The following SLC9B1 variants were observed in gnomAD, a reference collection of about 807,000 sequenced individuals.
SLC9B1 encodes the protein sodium/hydrogen exchanger 9B1.
SLC9B1 carries 32 observed loss-of-function variants against 51.7 expected under a neutral mutation model. That is an observed-to-expected ratio of 0.62 (90% confidence interval 0.47 to 0.83). The LOEUF (loss-of-function observed/expected upper bound fraction) is 0.83. Among genes scored for constraint, SLC9B1 ranks in the 40% least tolerant of loss-of-function variants. The pLI, the probability that SLC9B1 is intolerant of heterozygous loss-of-function variation, is 0.00. For missense variants in SLC9B1, 406 were observed against 613.2 expected, an observed-to-expected ratio of 0.66 and a Z score of 3.57; for synonymous variants, 145 against 212.7, an observed-to-expected ratio of 0.68 and a Z score of 2.77.
chr4:102,938,594 T>A (rs1300644468), intron 6 of SLC9B1, among the ~76,000 whole-genome samples: 2 of 152,208 alleles, frequency 1.3e-5, no homozygotes, highest in Non-Finnish European at 2.9e-5. Context: ...GTACATGGCA[T>A]ATATTGTAAA....
intron 3 of SLC9B1, 28 bp from the exon 4 acceptor site, chr4:102,949,455 A>G (rs774808094): frequency 1.8e-5 from 27 of 1,523,712 alleles, no homozygotes; most frequent in Non-Finnish European, 2.3e-5. Flanking sequence ...GTACAGCTAT[A>G]TATCTACATA....
At chr4:102,894,400 A>G (rs1734435497) in intron 11 of SLC9B1, among the ~76,000 whole-genome samples, 1 of 152,184 alleles carries the variant, frequency 6.6e-6, no homozygotes, top group Admixed American at 6.5e-5. Context: ...ATATATAGAA[A>G]ACTTTTTGTG....
intron 11 of SLC9B1, chr4:102,890,808 C>CTTACTT (rs1560910006): frequency 6.8e-5 from 8 of 117,840 alleles, no homozygotes; most frequent in African/African-American, 3.1e-4. Context: ...CCACTGCACT[C>CTTACTT]CAGCCTGGGC....
chr4:102,893,814 G>A lies in SLC9B1; in HGVS notation c.1333-8486C>T, dbSNP rs532597475. Among the ~76,000 whole-genome samples the A allele has an allele frequency of 1.3e-4, 20 of 152,022 alleles. No individual in the cohort carries two copies. The South Asian group carries it at 4.2e-3, about 32-fold the overall frequency. On this transcript the variant is annotated intron_variant, in intron 11 of 11. Coordinates refer to the SLC9B1 transcript ENST00000394789. ...TGGTGCATGCCTGTAATCCCAGCTT[G>A]AACCCAGGAGGCAGAGGTTGCAGTG...
chr4:102,989,701 G>A (rs1349956602), intron 3 of SLC9B1, 99 bp downstream of exon 3: 1 of 719,940 alleles, frequency 1.4e-6, no homozygotes, highest in Non-Finnish European at 2.2e-6. Context: ...ATCTGATCTG[G>A]AGTATATTGA....
At chr4:102,936,039 C>T (rs955822963) in intron 6 of SLC9B1, among the ~76,000 whole-genome samples, 2 of 152,162 alleles carry the variant, frequency 1.3e-5, no homozygotes, top group Non-Finnish European at 2.9e-5. Flanking sequence ...AGTGTTGTTG[C>T]CAGTGGACTG....
At chr4:103,007,263 C>T (rs554301574) in intron 1 of SLC9B1, among the ~76,000 whole-genome samples, 8 of 152,286 alleles carry the variant, frequency 5.3e-5, no homozygotes, top group Non-Finnish European at 1.2e-4. Context: ...ATATAAAAAA[C>T]TACAGAAAAT....
chr4:102,958,227 G>T (rs1737905695), intron 3 of SLC9B1, among the ~76,000 whole-genome samples: 1 of 152,142 alleles, frequency 6.6e-6, no homozygotes, highest in Non-Finnish European at 1.5e-5. Context: ...CTGTCCTTGG[G>T]ACAGTGAGTA....
chr4:102,996,063 G>C (rs1381141258), intron 1 of SLC9B1, among the ~76,000 whole-genome samples: 1 of 152,160 alleles, frequency 6.6e-6, no homozygotes, highest in South Asian at 2.1e-4. Flanking sequence ...ATATTACTCA[G>C]ATCTTTGTCA....
chr4:102,885,119 AAAAGTAAC>A, exon 12 of SLC9B1: 1 of 1,013,798 alleles, frequency 9.9e-7, no homozygotes, highest in Middle Eastern at 2.0e-4. Flanking sequence ...AATTAATGTA[AAAAGTAAC>A]AAAGAATAAG....
intron 3 of SLC9B1, among the ~76,000 whole-genome samples, chr4:102,959,304 T>A (rs1737967145): frequency 6.6e-6 from 1 of 152,060 alleles, no homozygotes; most frequent in South Asian, 2.1e-4. Context: ...TAAGTGTAAT[T>A]ACTATATATA....
At chr4:103,005,011 A>C (rs1381801246) in intron 1 of SLC9B1, among the ~76,000 whole-genome samples, 1 of 152,180 alleles carries the variant, frequency 6.6e-6, no homozygotes, top group African/African-American at 2.4e-5. Flanking sequence ...TTGACACTAT[A>C]AAGTAGAAAC....
intron 3 of SLC9B1, among the ~76,000 whole-genome samples, chr4:102,976,573 A>T (rs1343687542): frequency 6.6e-6 from 1 of 152,240 alleles, no homozygotes; most frequent in Non-Finnish European, 1.5e-5. Context: ...ATGTTGTACA[A>T]ATTAAAATGG....
At chr4:102,922,674 A>G (rs1304843547) in intron 7 of SLC9B1, among the ~76,000 whole-genome samples, 1 of 152,152 alleles carries the variant, frequency 6.6e-6, no homozygotes, top group Non-Finnish European at 1.5e-5. Context: ...CCTAATAAAG[A>G]AGAAAAGAGA....
intron 1 of SLC9B1, among the ~76,000 whole-genome samples, chr4:102,993,225 G>A (rs780777953): frequency 4.6e-5 from 7 of 152,108 alleles, no homozygotes; most frequent in African/African-American, 1.4e-4. Flanking sequence ...AAGGCAAGTC[G>A]CTTCTGCCTA....
intron 3 of SLC9B1, among the ~76,000 whole-genome samples, chr4:102,973,760 T>C (rs940427154): frequency 5.9e-5 from 9 of 152,186 alleles, no homozygotes; most frequent in African/African-American, 1.4e-4. Flanking sequence ...ATACCTTAAA[T>C]AATTTTTCAG....
At chr4:102,937,412 TAAAAA>T (rs754801733) in intron 6 of SLC9B1, among the ~76,000 whole-genome samples, 3 of 45,242 alleles carry the variant, frequency 6.6e-5, no homozygotes, top group East Asian at 1.5e-3. Flanking sequence ...TCAGCATTCT[TAAAAA>T]AAAAAAAAAA....
intron 6 of SLC9B1, among the ~76,000 whole-genome samples, chr4:102,938,590 G>A (rs1033081720): frequency 1.3e-5 from 2 of 152,002 alleles, no homozygotes; most frequent in Non-Finnish European, 2.9e-5. Flanking sequence ...ATCTGTACAT[G>A]GCATATATTG....
At chr4:102,962,783 T>C in intron 3 of SLC9B1, 1 of 475,742 alleles carries the variant, frequency 2.1e-6, no homozygotes, top group Non-Finnish European at 4.3e-6. Flanking sequence ...CTGTTACATT[T>C]GCCCTGATAC....
Sources: gnomAD v4.1 joint callset for allele counts (sites outside exome capture counted in the v4.1 genomes callset) on GRCh38, gnomAD v4.1.1 for gene constraint, MANE v1.5 for transcripts, NCBI Gene and HGNC (gene_info 2026-07-23, HGNC 2026-07-21) for gene names.